Variants in FRMPD3 observed in about 807,000 individuals in gnomAD.
FRMPD3 encodes FERM and PDZ domain-containing protein 3.
A neutral mutation model predicts 97.9 loss-of-function variants in FRMPD3; 42 were observed. The ratio of observed to expected loss-of-function variants is 0.43; its 90% CI spans 0.34 to 0.55. The LOEUF (loss-of-function observed/expected upper bound fraction) is 0.55, where lower values mean the gene tolerates loss of function less well. Ranked by LOEUF, FRMPD3 falls within the 20% of genes least tolerant of loss-of-function variation. The probability of loss-of-function intolerance (pLI) is 0.03; values close to 1 mark genes in which losing one functional copy is unlikely to be tolerated. For synonymous variants in FRMPD3, 577 were observed against 581.1 expected, an observed-to-expected ratio of 0.99 and a Z score of 0.10; for missense variants, 1,303 against 1,457.7, an observed-to-expected ratio of 0.89 and a Z score of 1.73.
rs191686996 is a variant in FRMPD3 at position 107,592,027 on chromosome X, C to T, written c.1442-5294C>T. Among the ~76,000 whole-genome samples, 6 of 110,399 alleles carry T rather than the reference C, an allele frequency of 5.4e-5. No individual in the cohort carries two copies. In the East Asian group the frequency reaches 1.1e-3, roughly 21 times the overall value. ...AGGTGATTTCTTAGATTTTGGTGTA[C>T]CCATCACCCGAACAGTGTACCCTGT... On this transcript the variant is annotated intron_variant, in intron 13 of 14. Transcript: ENST00000683843.
chrX:107,509,715 C>T (rs1390625646), intron 1 of FRMPD3, among the ~76,000 whole-genome samples: 3 of 110,449 alleles, frequency 2.7e-5, no homozygotes, highest in Non-Finnish European at 5.7e-5. Context: ...CTGGGAGTCA[C>T]AGCACAGTTG....
At chrX:107,533,994 G>A (rs1052025242) in intron 4 of FRMPD3, among the ~76,000 whole-genome samples, 12 of 112,010 alleles carry the variant, frequency 1.1e-4, no homozygotes, top group African/African-American at 3.9e-4. Context: ...TTGCTGGGGG[G>A]TACCCTTGGA....
At chrX:107,462,674 C>A (rs1931497740) in intron 1 of FRMPD3, among the ~76,000 whole-genome samples, 1 of 111,807 alleles carries the variant, frequency 8.9e-6, no homozygotes, top group African/African-American at 3.3e-5. Context: ...CTTTAGGAAG[C>A]CCCTGGAAAC....
chrX:107,483,585 G>A (rs1208459326), intron 1 of FRMPD3, among the ~76,000 whole-genome samples: 1 of 111,788 alleles, frequency 8.9e-6, no homozygotes, highest in Non-Finnish European at 1.9e-5. Context: ...CTCAGCCCTG[G>A]ATTTTCTGCC....
chrX:107,527,196 G>T (rs1453889620), intron 2 of FRMPD3, among the ~76,000 whole-genome samples: 1 of 112,130 alleles, frequency 8.9e-6, no homozygotes, highest in East Asian at 2.8e-4. Flanking sequence ...AAACAGGTCA[G>T]CCATTGAAGA....
chrX:107,500,584 A>G (rs1217843020), intron 1 of FRMPD3, among the ~76,000 whole-genome samples: 1 of 111,745 alleles, frequency 8.9e-6, no homozygotes, highest in East Asian at 2.8e-4. Context: ...ACCTGAGGTC[A>G]GGAGTTCAAG....
chrX:107,525,997 C>T (rs891778144), intron 1 of FRMPD3, among the ~76,000 whole-genome samples: 1 of 110,940 alleles, frequency 9.0e-6, no homozygotes, highest in Non-Finnish European at 1.9e-5. Context: ...AATCGCTTGA[C>T]CCCGGGAGGT....
chrX:107,474,164 C>T (rs1461471512), intron 1 of FRMPD3, among the ~76,000 whole-genome samples: 1 of 112,315 alleles, frequency 8.9e-6, no homozygotes, highest in East Asian at 2.8e-4. Flanking sequence ...TCCCTGTTAC[C>T]ACGGGAACCT....
At chrX:107,461,558 A>G (rs1270909339) in intron 1 of FRMPD3, among the ~76,000 whole-genome samples, 3 of 110,396 alleles carry the variant, frequency 2.7e-5, no homozygotes, top group African/African-American at 9.9e-5. Context: ...CAGCCTCCTA[A>G]CTGGTCTCTC....
At chrX:107,562,885 A>G (rs1171058705) in intron 10 of FRMPD3, among the ~76,000 whole-genome samples, 3 of 111,938 alleles carry the variant, frequency 2.7e-5, no homozygotes, top group Non-Finnish European at 5.6e-5. Context: ...AGGAATGAAG[A>G]TCAGGAGGTA....
At chrX:107,538,803 G>A (rs997283264) in intron 4 of FRMPD3, among the ~76,000 whole-genome samples, 7 of 112,064 alleles carry the variant, frequency 6.2e-5, no homozygotes, top group African/African-American at 1.9e-4. Flanking sequence ...GGAATTACAG[G>A]CATGTGCCAC....
At chrX:107,577,885 G>C (rs1004739222) in intron 13 of FRMPD3, among the ~76,000 whole-genome samples, 1 of 111,637 alleles carries the variant, frequency 9.0e-6, no homozygotes, top group Non-Finnish European at 1.9e-5. Context: ...ATTTGGGAAA[G>C]GATAGGTGGC....
chrX:107,565,122 G>A, intron 12 of FRMPD3, 56 bp downstream of exon 12: 1 of 1,039,626 alleles, frequency 9.6e-7, no homozygotes. Context: ...GGGAATAGAG[G>A]AAGAAGTAAA....
intron 1 of FRMPD3, among the ~76,000 whole-genome samples, chrX:107,493,983 C>T (rs1921721827): frequency 9.0e-6 from 1 of 110,975 alleles, no homozygotes; most frequent in Admixed American, 9.6e-5. Context: ...TCACCACACA[C>T]CTTCTCAGTG....
At chrX:107,599,126 AACTGGGTGGGCTGGTGCAC>A (rs1424404653) in intron 14 of FRMPD3, among the ~76,000 whole-genome samples, 1 of 110,429 alleles carries the variant, frequency 9.1e-6, no homozygotes, top group Non-Finnish European at 1.9e-5. Context: ...TACAAAAATT[AACTGGGTGGGCTGGTGCAC>A]ACCTGTAGTC....
chrX:107,513,634 A>C (rs1003447096), intron 1 of FRMPD3, among the ~76,000 whole-genome samples: 1 of 111,655 alleles, frequency 9.0e-6, no homozygotes, highest in Non-Finnish European at 1.9e-5. Context: ...TTGCACAGAG[A>C]TGTTGAGGGG....
chrX:107,467,567 G>T (rs1569409364), intron 1 of FRMPD3, among the ~76,000 whole-genome samples: 1 of 111,729 alleles, frequency 9.0e-6, no homozygotes, highest in Non-Finnish European at 1.9e-5. Context: ...TAGTTTGAAT[G>T]ATTCTAATAC....
At chrX:107,515,549 T>C (rs933175304) in intron 1 of FRMPD3, among the ~76,000 whole-genome samples, 2 of 111,295 alleles carry the variant, frequency 1.8e-5, no homozygotes. Context: ...GTGTCCTTAA[T>C]GCAATGTCCT....
chrX:107,577,162 TA>T (rs1170985688), intron 13 of FRMPD3, among the ~76,000 whole-genome samples: 6,544 of 31,899 alleles, frequency 0.21, 1,060 homozygotes, highest in African/African-American at 0.5. Flanking sequence ...CTGTCTCTAC[TA>T]AAAAAAAAAA....
Sources: allele counts gnomAD v4.1 joint callset (sites outside exome capture counted in the v4.1 genomes callset), GRCh38; gene constraint gnomAD v4.1.1; transcripts MANE v1.5; gene names NCBI Gene and HGNC (gene_info 2026-07-23, HGNC 2026-07-21).